The following FBXO17 variants were observed in gnomAD, a reference collection of about 807,000 sequenced individuals.
The protein encoded by FBXO17 is F-box only protein 17.
Under a neutral mutation model 34.1 loss-of-function variants are expected in FBXO17, and 43 were observed. The ratio of observed to expected loss-of-function variants is 1.26; its 90% CI spans 0.99 to 1.62. The LOEUF is 1.62. FBXO17 is among the 40% of genes most tolerant of loss of function. The pLI is 0.00. For missense variants in FBXO17, 424 were observed against 386.7 expected (o/e 1.10, Z -0.81); for synonymous variants, 169 against 166.0 (o/e 1.02, Z -0.14).
At chr19:38,967,174 A>G (rs934351197) in intron 1 of FBXO17, among the ~76,000 whole-genome samples, 2 of 152,144 alleles carry the variant, frequency 1.3e-5, no homozygotes, top group African/African-American at 4.8e-5. Flanking sequence ...AAATGGACAA[A>G]AGGCCGGGCA....
At position 38,975,207 on chromosome 19, in the gene FBXO17, C is replaced by T. The variant is rs2144850924; in HGVS notation, c.-18+379G>A. Among the ~76,000 whole-genome samples, 1 of 152,298 alleles carries T rather than the reference C, an allele frequency of 6.6e-6. No individual in the cohort carries two copies. On this transcript the variant is annotated intron_variant, in intron 1 of 5. Transcript: ENST00000292852. The surrounding 1 kb of genome is among the most constrained non-coding windows in gnomAD (Gnocchi z 4.9). Reference sequence around the variant, plus strand: ...GGCCAGAAGACAGAAAATCCAGCAACGGTAAAAAGCGGCCTGGCCTTCCCC... The same window carrying T: ...GGCCAGAAGACAGAAAATCCAGCAATGGTAAAAAGCGGCCTGGCCTTCCCC...
At position 38,943,041 on chromosome 19, in the gene FBXO17, A is replaced by T. The variant is rs1360210090; in HGVS notation, c.694-290T>A. Among the ~76,000 whole-genome samples the T allele has an allele frequency of 3.3e-5, 5 of 152,184 alleles. No individual in the cohort carries two copies. In the East Asian group the frequency reaches 7.7e-4, roughly 24 times the overall value. On this transcript the variant is annotated intron_variant, in intron 5 of 5. Coordinates refer to ENST00000292852, the MANE Select transcript of FBXO17 (RefSeq NM_024907.7). ...AAAGGCCCCACAGAGGTGACACCTGAAGGAGGAGAGGGAGCCGGGAGGGGC... is the reference window on the plus strand; with the variant it reads ...AAAGGCCCCACAGAGGTGACACCTGTAGGAGGAGAGGGAGCCGGGAGGGGC...
intron 1 of FBXO17, among the ~76,000 whole-genome samples, chr19:38,960,760 G>A (rs1975237196): frequency 6.6e-6 from 1 of 150,656 alleles, no homozygotes; most frequent in Non-Finnish European, 1.5e-5. Context: ...CACCTGCCTC[G>A]GCCTCCCAAA....
intron 1 of FBXO17, among the ~76,000 whole-genome samples, chr19:38,964,036 G>A (rs1160982985): frequency 1.3e-5 from 2 of 151,964 alleles, no homozygotes; most frequent in Non-Finnish European, 2.9e-5. Flanking sequence ...TGCCTGCCTC[G>A]GCTTCCCAAA....
At chr19:38,946,614 C>A (rs1348205969) in intron 3 of FBXO17, 47 bp from the exon 4 acceptor site, 16 of 1,566,200 alleles carry the variant, frequency 1.0e-5, no homozygotes, top group Non-Finnish European at 1.3e-5. Context: ...TCCTGGCATT[C>A]AAGTCACAGT....
At position 38,948,566 on chromosome 19, in the gene FBXO17, C is replaced by A; in HGVS notation, c.461+1G>T. The A allele has an allele frequency of 1.9e-6, 3 of 1,613,372 alleles. No individual in the cohort carries two copies. Among genetic ancestry groups the A allele is most frequent in the Non-Finnish European group, 2.5e-6 (3 of 1,179,470 alleles). ...CGGGGCCTCTCACTTGGGCCACTCACTCGAAAGAGGTCACGAAGCAGGTCT... is the reference window on the plus strand; with the variant it reads ...CGGGGCCTCTCACTTGGGCCACTCAATCGAAAGAGGTCACGAAGCAGGTCT... On this transcript the variant is annotated splice_donor_variant, in intron 3 of 5. Transcript: ENST00000292852. LOFTEE classifies it high-confidence loss of function.
At chr19:38,948,833 ATTCCTGGT>A (rs1975027682) in intron 2 of FBXO17, among the ~76,000 whole-genome samples, 155 bp from the exon 3 acceptor site, 1 of 152,106 alleles carries the variant, frequency 6.6e-6, no homozygotes, top group Non-Finnish European at 1.5e-5. Context: ...ATTATTCTGT[ATTCCTGGT>A]CCTACCCCAC....
intron 3 of FBXO17, among the ~76,000 whole-genome samples, chr19:38,947,839 C>T (rs953840999): frequency 6.6e-6 from 1 of 151,648 alleles, no homozygotes; most frequent in Non-Finnish European, 1.5e-5. Flanking sequence ...GCTGGGATTA[C>T]AGCTATGAGC....
At chr19:38,953,242 GGCTGCAGTGA>G (rs1975112905) in intron 1 of FBXO17, among the ~76,000 whole-genome samples, 1 of 152,128 alleles carries the variant, frequency 6.6e-6, no homozygotes, top group Non-Finnish European at 1.5e-5. Context: ...GGGAGTTGGA[GGCTGCAGTGA>G]GCTATGATTA....
intron 5 of FBXO17, among the ~76,000 whole-genome samples, chr19:38,942,977 G>T (rs1235747360): frequency 6.6e-6 from 1 of 152,228 alleles, no homozygotes; most frequent in Non-Finnish European, 1.5e-5. Flanking sequence ...GGGGCATTCT[G>T]CCAGGAAGGT....
intron 1 of FBXO17, among the ~76,000 whole-genome samples, chr19:38,974,031 T>TATACATATATATATATACAC (rs1346260027): frequency 8.1e-6 from 1 of 122,956 alleles, no homozygotes; most frequent in Non-Finnish European, 1.8e-5. Flanking sequence ...TATATATATA[T>TATACATATATATATATACAC]ACATATATAT....
chr19:38,948,168 G>A (rs1310003343), intron 3 of FBXO17, among the ~76,000 whole-genome samples: 1 of 152,000 alleles, frequency 6.6e-6, no homozygotes, highest in African/African-American at 2.4e-5. Flanking sequence ...TAGAGACGGG[G>A]TTTCCCCCTG....
rs927690639 is a variant in FBXO17, at chr19:38,949,905, C to T, written c.349+66G>A. ...TGGCTACATCTCTCAGACTCTGTCC[C>T]GGCCCCGCCCCCGCCTCGCTCGCGC... On this transcript the variant is annotated intron_variant, in intron 2 of 5. Transcript: ENST00000292852. 12 of 1,447,862 alleles carry T rather than the reference C, an allele frequency of 8.3e-6. No individual in the cohort carries two copies. The African/African-American group carries it at 1.6e-4, about 19-fold the overall frequency. 89.7% of individuals were successfully genotyped at this position (1,447,862 alleles called of 1,614,324 possible).
rs149746627 is a variant in FBXO17, at chr19:38,963,501, C to T, written c.-18+12085G>A. On this transcript the variant is annotated intron_variant, in intron 1 of 5. Transcript: ENST00000292852. ...TTGAGACAGGGTCTTGCTATGTTGC[C>T]CAGGCTAGCCTTGAACTCCTGGGCT... is the stretch of plus-strand genomic sequence containing the variant. 3.2e-3 allele frequency among the ~76,000 whole-genome samples: 483 copies of T among 152,042 alleles called. 2 individuals are homozygous for T. Among genetic ancestry groups the T allele is most frequent in the African/African-American group, 0.011 (460 of 41,480 alleles).
intron 4 of FBXO17, 198 bp from the exon 5 acceptor site, chr19:38,945,302 C>T: frequency 3.0e-6 from 2 of 658,950 alleles, no homozygotes; most frequent in Non-Finnish European, 5.0e-6. Context: ...GCGGAGGAGC[C>T]TGGGTGGTCC....
chr19:38,955,686 G>A (rs551327191), intron 1 of FBXO17, among the ~76,000 whole-genome samples: 2 of 151,810 alleles, frequency 1.3e-5, no homozygotes, highest in Admixed American at 1.3e-4. Flanking sequence ...GTTTCACCAT[G>A]TTGCCCAGGC....
intron 5 of FBXO17, among the ~76,000 whole-genome samples, chr19:38,943,328 C>T (rs1274862016): frequency 1.3e-5 from 2 of 151,824 alleles, no homozygotes; most frequent in Non-Finnish European, 2.9e-5. Flanking sequence ...GGCTGGAGTA[C>T]AGTGGCATGA....
intron 4 of FBXO17, 63 bp downstream of exon 4, chr19:38,946,409 C>T: frequency 6.2e-7 from 1 of 1,607,238 alleles, no homozygotes; most frequent in Non-Finnish European, 8.5e-7. Context: ...GAAATGAGCC[C>T]CTGTTGCAGA....
intron 1 of FBXO17, among the ~76,000 whole-genome samples, chr19:38,969,354 G>A (rs4803141): frequency 0.37 from 54,831 of 149,438 alleles, 10,131 homozygotes; most frequent in South Asian, 0.48. Flanking sequence ...GAGGTGGGAG[G>A]ATCGCTTGAG....
Sources: allele counts gnomAD v4.1 joint callset (sites outside exome capture counted in the v4.1 genomes callset), GRCh38; gene constraint gnomAD v4.1.1; non-coding constraint Gnocchi (gnomAD v3.1); transcripts MANE v1.5; gene names NCBI Gene and HGNC (gene_info 2026-07-23, HGNC 2026-07-21).